INSC: variants seen among roughly 807,000 people sequenced by gnomAD.
The protein encoded by INSC is INSC spindle orientation adaptor protein.
A neutral mutation model predicts 58.6 loss-of-function variants in INSC; 67 were observed. That is an observed-to-expected ratio of 1.14 (90% CI 0.94 to 1.40). The LOEUF is 1.40. Among genes scored for constraint, INSC ranks in the 40% most tolerant of loss-of-function variants. INSC has a pLI of 0.00. For synonymous variants in INSC, 262 were observed against 276.1 expected, an observed-to-expected ratio of 0.95 and a Z score of 0.51; for missense variants, 714 against 692.0, an observed-to-expected ratio of 1.03 and a Z score of -0.36.
the INSC span, among the ~76,000 whole-genome samples, chr11:15,253,488 C>T: frequency 6.6e-6 from 1 of 152,090 alleles, no homozygotes; most frequent in Non-Finnish European, 1.5e-5. Flanking sequence ...CCCTTCAACG[C>T]TATCTTTTTG....
chr11:15,113,119 C>CTCTCTCTCTTTCTT (rs1554899334), upstream of INSC, among the ~76,000 whole-genome samples: 3 of 73,298 alleles, frequency 4.1e-5, no homozygotes, highest in African/African-American at 1.4e-4. Context: ...TTCTCTCTCT[C>CTCTCTCTCTTTCTT]TCTTTCTTTC....
chr11:15,229,474 T>TGAAC (rs1851764571), intron 9 of INSC, among the ~76,000 whole-genome samples: 1 of 152,190 alleles, frequency 6.6e-6, no homozygotes, highest in African/African-American at 2.4e-5. Context: ...CACATTCTGG[T>TGAAC]TCTGCCATTT....
intron 7 of INSC, among the ~76,000 whole-genome samples, chr11:15,202,557 G>A (rs577569518): frequency 2.0e-4 from 31 of 152,258 alleles, no homozygotes; most frequent in South Asian, 6.2e-4. Context: ...TCAACTTCAC[G>A]TTCTGAATAA....
At position 15,206,734 on chromosome 11, in the gene INSC, T is replaced by C. The variant is rs1301981445; in HGVS notation, c.819+5785T>C. Among the ~76,000 whole-genome samples, 7 of 152,152 alleles carry C rather than the reference T, an allele frequency of 4.6e-5. No homozygotes were observed. In the East Asian group the frequency reaches 1.2e-3, roughly 25 times the overall value. On this transcript the variant is annotated intron_variant, in intron 7 of 12. Coordinates refer to ENST00000379556, the MANE Select transcript of INSC (RefSeq NM_001042536.3). ...GTGAGGGAGCAAGTCACTTCTCCTG[T>C]CTGAATCCCAGCTTCATCTTCTGTA...
downstream of INSC, among the ~76,000 whole-genome samples, chr11:15,251,644 A>G (rs746247656): frequency 6.6e-6 from 1 of 152,222 alleles, no homozygotes; most frequent in Non-Finnish European, 1.5e-5. Context: ...AAGGTATGTA[A>G]AAGATGCTCA....
rs545929295 is a variant in INSC at position 15,163,252 on chromosome 11, G to C, written c.57-12489G>C. Among the ~76,000 whole-genome samples the C allele has an allele frequency of 7.8e-4, 118 of 152,226 alleles. 2 individuals carry two copies. In the South Asian group the frequency reaches 8.9e-3, roughly 11 times the overall value. On this transcript the variant is annotated intron_variant, in intron 2 of 12. Coordinates refer to ENST00000379556, the MANE Select transcript of INSC (RefSeq NM_001042536.3). Reference sequence around the variant, plus strand: ...GAATCTGATGATAGTGGAATTTTCTGTCTCTTATGGGTAACATGCCACTTA... The same window carrying C: ...GAATCTGATGATAGTGGAATTTTCTCTCTCTTATGGGTAACATGCCACTTA...
At chr11:15,157,447 A>G (rs1471225206) in intron 2 of INSC, among the ~76,000 whole-genome samples, 6 of 152,228 alleles carry the variant, frequency 3.9e-5, no homozygotes, top group Admixed American at 6.5e-5. Flanking sequence ...GATTTCATGC[A>G]TGGTGAGATG....
At chr11:15,222,174 T>C (rs888101598) in intron 8 of INSC, among the ~76,000 whole-genome samples, 8 of 152,176 alleles carry the variant, frequency 5.3e-5, no homozygotes, top group Admixed American at 1.3e-4. Context: ...TATTCAAACA[T>C]ATGTACCCCC....
chr11:15,139,543 C>A (rs533695167), intron 1 of INSC, among the ~76,000 whole-genome samples: 158 of 152,330 alleles, frequency 1.0e-3, no homozygotes, highest in Non-Finnish European at 2.0e-3. Context: ...AACTGCTAGG[C>A]GCTGTCCTCA....
At chr11:15,172,466 C>G (rs1000364109) in intron 2 of INSC, among the ~76,000 whole-genome samples, 1 of 152,208 alleles carries the variant, frequency 6.6e-6, no homozygotes, top group Non-Finnish European at 1.5e-5. Flanking sequence ...AAGCCAGGCA[C>G]AAGAGACTGT....
chr11:15,243,948 ATC>A (rs1232261477), intron 12 of INSC, among the ~76,000 whole-genome samples: 1 of 139,902 alleles, frequency 7.1e-6, no homozygotes, highest in East Asian at 2.1e-4. Flanking sequence ...CACCAAGTTC[ATC>A]TCTGTCTGTT....
intron 7 of INSC, among the ~76,000 whole-genome samples, chr11:15,202,862 A>T (rs1850648343): frequency 6.6e-6 from 1 of 152,216 alleles, no homozygotes; most frequent in Non-Finnish European, 1.5e-5. Context: ...CACCTATCTG[A>T]TGCTGCTCAA....
intron 2 of INSC, among the ~76,000 whole-genome samples, chr11:15,175,061 T>A (rs138239727): frequency 6.6e-6 from 1 of 152,182 alleles, no homozygotes; most frequent in Non-Finnish European, 1.5e-5. Context: ...ACAAAAGTAA[T>A]ATACATGCTC....
chr11:15,116,189 G>A (rs78807614), intron 1 of INSC, among the ~76,000 whole-genome samples: 4,999 of 152,228 alleles, frequency 0.033, 292 homozygotes, highest in African/African-American at 0.11. Context: ...CCTTTGGAAG[G>A]CAAGCCAGGT....
chr11:15,123,284 G>A (rs968203739), intron 1 of INSC, among the ~76,000 whole-genome samples: 5 of 152,148 alleles, frequency 3.3e-5, no homozygotes, highest in Non-Finnish European at 7.3e-5. Flanking sequence ...ATTTATTTAT[G>A]TAATCATTAA....
intron 2 of INSC, among the ~76,000 whole-genome samples, chr11:15,159,633 T>A (rs888935073): frequency 2.6e-5 from 4 of 152,170 alleles, no homozygotes; most frequent in African/African-American, 9.7e-5. Context: ...AACATAACAC[T>A]TAAGAACATA....
At chr11:15,184,739 A>T (rs1849905594) in intron 5 of INSC, among the ~76,000 whole-genome samples, 1 of 152,202 alleles carries the variant, frequency 6.6e-6, no homozygotes, top group African/African-American at 2.4e-5. Flanking sequence ...ACTGAGAAAA[A>T]GTTAACTCTG....
At chr11:15,186,002 G>T (rs1849952124) in intron 5 of INSC, among the ~76,000 whole-genome samples, 1 of 152,018 alleles carries the variant, frequency 6.6e-6, no homozygotes, top group Non-Finnish European at 1.5e-5. Context: ...GAGGTCTATT[G>T]TTCCCTCTTC....
the INSC span, among the ~76,000 whole-genome samples, chr11:15,253,492 C>A: frequency 6.6e-6 from 1 of 152,106 alleles, no homozygotes. Context: ...TCAACGCTAT[C>A]TTTTTGTAAC....
Sources: allele counts gnomAD v4.1 joint callset (sites outside exome capture counted in the v4.1 genomes callset), GRCh38; gene constraint gnomAD v4.1.1; transcripts MANE v1.5; gene names NCBI Gene and HGNC (gene_info 2026-07-23, HGNC 2026-07-21).